Variants in PCDHA6 observed in about 807,000 individuals in gnomAD.
The protein encoded by PCDHA6 is protocadherin alpha-6.
Under a neutral mutation model 60.3 loss-of-function variants are expected in PCDHA6, and 55 were observed. The observed-to-expected ratio is 0.91, with a 90% CI of 0.73 to 1.14. The LOEUF (loss-of-function observed/expected upper bound fraction) is 1.14, where lower values mean the gene tolerates loss of function less well. Among genes scored for constraint, PCDHA6 ranks in the 50% most tolerant of loss-of-function variants. PCDHA6 has a pLI of 0.00. For missense variants in PCDHA6, 1,327 were observed against 1,256.5 expected, an observed-to-expected ratio of 1.06 and a Z score of -0.85; for synonymous variants, 652 against 557.9, an observed-to-expected ratio of 1.17 and a Z score of -2.38.
Position 140,993,289 on chromosome 5 carries a change from C to T in PCDHA6, c.2542+10726C>T, listed in dbSNP as rs148346866. Among the ~76,000 whole-genome samples the T allele has an allele frequency of 3.6e-3, 552 of 152,140 alleles. 3 individuals are homozygous for T. The highest frequency in any genetic ancestry group is 0.01 in the Middle Eastern group (3 of 294). On this transcript the variant is annotated intron_variant, in intron 3 of 3. Coordinates refer to ENST00000529310, the MANE Select transcript of PCDHA6 (RefSeq NM_018909.4). ...TCTTTGGTCTTTTCTTGCCCAGGGTCACAACCTTGCCTCCAGGATAATACC... is the reference window on the plus strand; with the variant it reads ...TCTTTGGTCTTTTCTTGCCCAGGGTTACAACCTTGCCTCCAGGATAATACC...
At chr5:140,895,143 A>C (rs115893558) in intron 1 of PCDHA6, among the ~76,000 whole-genome samples, 3,577 of 152,272 alleles carry the variant, frequency 0.023, 51 homozygotes, top group Middle Eastern at 0.034. Flanking sequence ...CATAGGGCTA[A>C]GACAGGTTTA....
intron 1 of PCDHA6, among the ~76,000 whole-genome samples, chr5:140,838,860 T>C (rs2150293011): frequency 1.3e-4 from 20 of 151,904 alleles, no homozygotes; most frequent in Non-Finnish European, 2.9e-4. Context: ...AGGTCCAAGC[T>C]GCAGTTATCA....
chr5:140,868,121 C>T (rs920378220), intron 1 of PCDHA6: 1 of 151,814 alleles, frequency 6.6e-6, no homozygotes, highest in Non-Finnish European at 1.5e-5. Flanking sequence ...AGTTGAAAAG[C>T]CTATTTCTGT....
chr5:140,968,876 A>G (rs782240993), intron 1 of PCDHA6: 51 of 1,614,112 alleles, frequency 3.2e-5, no homozygotes, highest in Non-Finnish European at 4.1e-5. Context: ...ATACTCTGAA[A>G]TTACCCTTTA....
chr5:140,938,309 A>T (rs1379097876), intron 1 of PCDHA6, among the ~76,000 whole-genome samples: 1 of 152,216 alleles, frequency 6.6e-6, no homozygotes, highest in African/African-American at 2.4e-5. Flanking sequence ...AATTCAGTAT[A>T]AAATTGAATA....
At chr5:140,845,856 G>A (rs1378548542) in intron 1 of PCDHA6, among the ~76,000 whole-genome samples, 1 of 149,684 alleles carries the variant, frequency 6.7e-6, no homozygotes, top group Non-Finnish European at 1.5e-5. Flanking sequence ...AGAAGTTAGT[G>A]ATTGCAGAAA....
chr5:140,865,125 A>T (rs1581734540), intron 1 of PCDHA6: 1 of 152,310 alleles, frequency 6.6e-6, no homozygotes, highest in East Asian at 1.9e-4. Flanking sequence ...GGTGTTAATT[A>T]TACCTTAGAA....
At position 140,928,406 on chromosome 5, in the gene PCDHA6, G is replaced by T. The variant is rs782285182; in HGVS notation, c.2395-50543G>T. On this transcript the variant is annotated intron_variant, in intron 1 of 3. Coordinates refer to ENST00000529310, the MANE Select transcript of PCDHA6 (RefSeq NM_018909.4). ...TTGCTGGCAGTGGAATCATCCAGTG[G>T]GGCCATCACTGCCAAAACTTCCTTT... 3 of 1,614,050 alleles carry T rather than the reference G, an allele frequency of 1.9e-6. No individual in the cohort carries two copies. The Admixed American group carries it at 5.0e-5, about 27-fold the overall frequency.
At position 141,012,035 on chromosome 5, in the gene PCDHA6, G is replaced by A. The variant is rs908623831; in HGVS notation, c.*2098G>A. The A allele has an allele frequency of 1.3e-5, 2 of 153,684 alleles. No individual in the cohort carries two copies. The highest frequency in any genetic ancestry group is 2.9e-5 in the Non-Finnish European group (2 of 68,026). The allele number at this position is 153,684 out of a possible 1,614,324, so 9.5% of individuals were successfully genotyped here. A position where few individuals can be genotyped will look rare whatever the true frequency, so the allele number is the denominator to read the frequency against. On this transcript the variant is annotated 3_prime_UTR_variant, in exon 4 of 4. Coordinates refer to ENST00000529310, the MANE Select transcript of PCDHA6 (RefSeq NM_018909.4). The stretch of plus-strand genomic sequence containing the variant: ...TGTGTAACTTCAGCTCTGCAGGATT[G>A]CATGGGGTAAAACTTGTTACCAACA...
intron 1 of PCDHA6, chr5:140,856,046 A>G (rs781911942): frequency 1.3e-6 from 2 of 1,582,372 alleles, no homozygotes; most frequent in East Asian, 2.2e-5. Flanking sequence ...AGAGAAGGAT[A>G]AGATGGTTTC....
chr5:140,882,178 C>A (rs2058992068), intron 1 of PCDHA6: 1 of 1,517,822 alleles, frequency 6.6e-7, no homozygotes, highest in Non-Finnish European at 8.8e-7. Flanking sequence ...TCCTTCCGCA[C>A]TAGGAAGCCA....
intron 1 of PCDHA6, chr5:140,848,138 T>A: frequency 5.1e-6 from 1 of 197,510 alleles, no homozygotes; most frequent in East Asian, 1.1e-4. Context: ...TACAAAACTT[T>A]TAGAGGCAGT....
At chr5:140,998,968 T>A (rs2097841777) in intron 3 of PCDHA6, among the ~76,000 whole-genome samples, 1 of 152,238 alleles carries the variant, frequency 6.6e-6, no homozygotes, top group Non-Finnish European at 1.5e-5. Context: ...TCAAATAGTA[T>A]CCTAGAAAAT....
chr5:140,854,013 T>A, intron 1 of PCDHA6: 16 of 343,618 alleles, frequency 4.7e-5, no homozygotes, highest in Non-Finnish European at 6.8e-5. Context: ...AAAAAAAAAA[T>A]TAGCCGGGCA....
chr5:141,009,868 G>C lies in PCDHA6; in HGVS notation c.2784G>C (p.Lys928Asn). 1 of 1,614,022 alleles carries C rather than the reference G, an allele frequency of 6.2e-7. No individual in the cohort carries two copies. Among genetic ancestry groups the C allele is most frequent in the Non-Finnish European group, 8.5e-7 (1 of 1,180,004 alleles). Residue 928 changes from lysine (K) to asparagine (N), a missense_variant, in exon 4 of 4, where the codon AAG becomes AAC. Transcript: ENST00000529310. ...AGGAGACCAAGAAAAAGAAGAAAAA[G>C]AAGAAGGGTAACAAGACCCAGGAGA... ...KKEETKKKKKKKKGNKTQEKK... is the reference protein window; with the variant it reads ...KKEETKKKKKNKKGNKTQEKK...
chr5:140,875,039 A>C (rs1443862423), intron 1 of PCDHA6, among the ~76,000 whole-genome samples: 1 of 152,230 alleles, frequency 6.6e-6, no homozygotes, highest in East Asian at 1.9e-4. Flanking sequence ...TATTTGAAAG[A>C]TTTCTACTTT....
chr5:140,843,061 G>A lies in PCDHA6; in HGVS notation c.2394+12576G>A, dbSNP rs113750272. ...GCACTGGTGGCGCAGCGAGCAAGCT[G>A]GTGCCGCGGTCTGTGGGCGCGGGCC... On this transcript the variant is annotated intron_variant, in intron 1 of 3. Coordinates refer to ENST00000529310, the MANE Select transcript of PCDHA6 (RefSeq NM_018909.4). 2.1e-3 allele frequency: 3,330 copies of A among 1,595,224 alleles called. 278 individuals are homozygous for A. In the African/African-American group the frequency reaches 0.039, roughly 19 times the overall value.
chr5:141,004,092 C>T (rs1245515449), intron 3 of PCDHA6, among the ~76,000 whole-genome samples: 1 of 152,198 alleles, frequency 6.6e-6, no homozygotes, highest in Non-Finnish European at 1.5e-5. Context: ...TGTGCTTCTT[C>T]CGTTTTCATC....
rs199990641 is a variant in PCDHA6, at chr5:140,966,961, G to C, written c.2395-11988G>C. On this transcript the variant is annotated intron_variant, in intron 1 of 3. Coordinates refer to ENST00000529310, the MANE Select transcript of PCDHA6 (RefSeq NM_018909.4). ...TCGTGGGCAACGTGGCTCGCGCGCT[G>C]GGGCTTGAGCTGCGGCGCTTGGGGC... The C allele has an allele frequency of 8.7e-6, 14 of 1,603,190 alleles. No individual in the cohort carries two copies. The East Asian group carries it at 2.7e-4, about 31-fold the overall frequency.
Sources: gnomAD v4.1 joint callset for allele counts (sites outside exome capture counted in the v4.1 genomes callset) on GRCh38, gnomAD v4.1.1 for gene constraint, MANE v1.5 for transcripts, NCBI Gene and HGNC (gene_info 2026-07-23, HGNC 2026-07-21) for gene names.